ANKRD26: variants seen among roughly 807,000 people sequenced by gnomAD.
The protein encoded by ANKRD26 is ankyrin repeat domain-containing protein 26.
In ANKRD26, 141 loss-of-function variants were observed where a neutral mutation model predicts 208.7. The observed-to-expected ratio is 0.68, with a 90% confidence interval of 0.59 to 0.78. ANKRD26 has a LOEUF of 0.78. Among genes scored for constraint, ANKRD26 ranks in the 30% least tolerant of loss-of-function variants. ANKRD26 has a pLI of 0.00. For synonymous variants in ANKRD26, 636 were observed against 660.4 expected, an observed-to-expected ratio of 0.96 and a Z score of 0.57; for missense variants, 1,889 against 1,938.7, an observed-to-expected ratio of 0.97 and a Z score of 0.48.
At position 27,100,476 on chromosome 10, in the gene ANKRD26, A is replaced by G. The variant is rs1347460297; in HGVS notation, c.-150T>C. 4 of 1,203,926 alleles carry G rather than the reference A, an allele frequency of 3.3e-6. No individual in the cohort carries two copies. Among genetic ancestry groups the G allele is most frequent in the South Asian group, 1.5e-5 (1 of 65,754 alleles). The allele number at this position is 1,203,926 out of a possible 1,614,324, so 74.6% of individuals were successfully genotyped here. A position where few individuals can be genotyped will look rare whatever the true frequency, so the allele number is the denominator to read the frequency against. On this transcript the variant is annotated 5_prime_UTR_variant, in exon 1 of 34. Coordinates refer to ENST00000376087, the MANE Select transcript of ANKRD26 (RefSeq NM_014915.3). ...AATCTCTCCCTCCGGGTTACCAAGC[A>G]AGCGATCCCGCTAGACACAAGTGCG... is the stretch of plus-strand genomic sequence containing the variant.
chr10:27,098,313 G>C (rs562417743), intron 1 of ANKRD26, among the ~76,000 whole-genome samples: 17 of 151,338 alleles, frequency 1.1e-4, no homozygotes, highest in African/African-American at 3.1e-4. Context: ...GCCCAGCCAA[G>C]ATCCCCTTTA....
chr10:26,994,982 C>T (rs2052557697), intron 5 of ANKRD26: 1 of 458,350 alleles, frequency 2.2e-6, no homozygotes, highest in Admixed American at 2.4e-5. Flanking sequence ...AAGGAAATCA[C>T]AGCATATCCT....
Position 27,065,859 on chromosome 10 carries a change from C to T in ANKRD26, c.1269+628G>A, listed in dbSNP as rs866656642. Among the ~76,000 whole-genome samples the T allele has an allele frequency of 3.3e-3, 243 of 72,994 alleles. 1 individual carries two copies. The highest frequency in any genetic ancestry group is 0.014 in the South Asian group (22 of 1,540). 47.9% of individuals were successfully genotyped at this position (72,994 alleles called of 152,430 possible). The stretch of plus-strand genomic sequence containing the variant: ...ATAGGCTAACCTGAAATAATTCTTT[C>T]TTTTTTTTTTTTTTTTTTTTTTTTT... On this transcript the variant is annotated intron_variant, in intron 11 of 33. Coordinates refer to ENST00000376087, the MANE Select transcript of ANKRD26 (RefSeq NM_014915.3).
At chr10:27,042,570 G>T (rs543534394) in intron 20 of ANKRD26, among the ~76,000 whole-genome samples, 5 of 152,040 alleles carry the variant, frequency 3.3e-5, no homozygotes, top group Non-Finnish European at 5.9e-5. Context: ...TGGCTAACAC[G>T]GTGAAACCCT....
At chr10:26,953,042 G>A in the ANKRD26 span, among the ~76,000 whole-genome samples, 2 of 152,104 alleles carry the variant, frequency 1.3e-5, no homozygotes, top group East Asian at 3.8e-4. Flanking sequence ...TTCCAATATT[G>A]ATTATACCGT....
intron 25 of ANKRD26, among the ~76,000 whole-genome samples, chr10:27,029,746 T>C (rs930726042): frequency 6.6e-6 from 1 of 152,190 alleles, no homozygotes; most frequent in Non-Finnish European, 1.5e-5. Context: ...CCACATGAAC[T>C]ATAAGTTTAA....
At chr10:27,016,573 A>C (rs1289277885) in intron 30 of ANKRD26, among the ~76,000 whole-genome samples, 2 of 133,242 alleles carry the variant, frequency 1.5e-5, no homozygotes, top group Non-Finnish European at 3.4e-5. Context: ...CACCGTGCCC[A>C]GCTTTGTTTT....
chr10:27,062,872 A>G (rs1317756754), intron 12 of ANKRD26, among the ~76,000 whole-genome samples: 1 of 150,884 alleles, frequency 6.6e-6, no homozygotes, highest in Non-Finnish European at 1.5e-5. Context: ...GGTTCAAGTG[A>G]TTCTCATACT....
At chr10:26,961,726 A>G in the ANKRD26 span, among the ~76,000 whole-genome samples, 1 of 152,106 alleles carries the variant, frequency 6.6e-6, no homozygotes, top group African/African-American at 2.4e-5. Flanking sequence ...TAACATACCT[A>G]TCTCAGAGGG....
At chr10:27,090,108 T>C (rs894637572) in intron 4 of ANKRD26, among the ~76,000 whole-genome samples, 13 of 152,170 alleles carry the variant, frequency 8.5e-5, no homozygotes, top group Non-Finnish European at 1.8e-4. Context: ...CTGACTATAC[T>C]TGATGATTCA....
intron 5 of ANKRD26, among the ~76,000 whole-genome samples, chr10:27,084,596 G>A (rs1440689983): frequency 6.6e-5 from 10 of 152,020 alleles, no homozygotes; most frequent in African/African-American, 1.2e-4. Context: ...GGCCAGGTGC[G>A]GTGTCTCAAG....
chr10:26,959,826 G>A, the ANKRD26 span, among the ~76,000 whole-genome samples: 9 of 152,126 alleles, frequency 5.9e-5, no homozygotes, highest in East Asian at 1.2e-3. Flanking sequence ...TGTGGACAAA[G>A]GAAGCTGCAG....
chr10:26,989,569 C>A (rs2052449488), downstream of ANKRD26, among the ~76,000 whole-genome samples: 1 of 152,184 alleles, frequency 6.6e-6, no homozygotes, highest in Admixed American at 6.5e-5. Context: ...ACAGTAAATT[C>A]TTTATGCTTC....
At chr10:26,984,123 C>T (rs144998466) in intron 3 of ANKRD26, among the ~76,000 whole-genome samples, 2 of 152,294 alleles carry the variant, frequency 1.3e-5, no homozygotes, top group East Asian at 3.9e-4. Context: ...TTGAGATTCA[C>T]TTTAACTACT....
At chr10:27,077,237 A>G (rs1357356652) in intron 9 of ANKRD26, 101 bp downstream of exon 9, 1 of 1,054,088 alleles carries the variant, frequency 9.5e-7, no homozygotes, top group African/African-American at 1.6e-5. Context: ...AAACATAATT[A>G]GAAACAAAAA....
chr10:27,030,558 T>C (rs1197105921), intron 25 of ANKRD26: 1 of 985,330 alleles, frequency 1.0e-6, no homozygotes, highest in Non-Finnish European at 1.2e-6. Flanking sequence ...GCTGGAGCTC[T>C]TTGGGTGGGA....
rs79473105 is a variant in ANKRD26, at chr10:27,089,740, G to C, written c.638+2666C>G. Among the ~76,000 whole-genome samples, 378 of 152,352 alleles carry C rather than the reference G, an allele frequency of 2.5e-3. 2 individuals carry two copies. Among genetic ancestry groups the C allele is most frequent in the African/African-American group, 8.6e-3 (356 of 41,568 alleles). On this transcript the variant is annotated intron_variant, in intron 4 of 33. Transcript: ENST00000376087. ...CCACGGCTTGAAGCTGTGGTGACCTGTGATCGTGCCCCTGCACTCCAGCCC... is the reference window on the plus strand; with the variant it reads ...CCACGGCTTGAAGCTGTGGTGACCTCTGATCGTGCCCCTGCACTCCAGCCC...
chr10:26,972,095 C>T (rs562972517), downstream of ANKRD26, among the ~76,000 whole-genome samples: 7 of 151,824 alleles, frequency 4.6e-5, no homozygotes, highest in Admixed American at 2.6e-4. Context: ...ATTAGCCAGG[C>T]GTGGTGGCGG....
chr10:27,009,197 G>T (rs542238814), intron 32 of ANKRD26, among the ~76,000 whole-genome samples: 1 of 152,220 alleles, frequency 6.6e-6, no homozygotes, highest in African/African-American at 2.4e-5. Context: ...TTGAGAAAAG[G>T]ACACCAGGTC....
Sources: gnomAD v4.1 joint callset for allele counts (sites outside exome capture counted in the v4.1 genomes callset) on GRCh38, gnomAD v4.1.1 for gene constraint, MANE v1.5 for transcripts, NCBI Gene and HGNC (gene_info 2026-07-23, HGNC 2026-07-21) for gene names.